The following NEB variants were observed in gnomAD, a reference collection of about 807,000 sequenced individuals.
NEB encodes nemaline myopathy type 2.
Under a neutral mutation model 952.2 loss-of-function variants are expected in NEB, and 512 were observed. The ratio of observed to expected loss-of-function variants is 0.54; its 90% CI spans 0.50 to 0.58. NEB has a LOEUF of 0.58. NEB is among the 20% of genes least tolerant of loss of function. The pLI is 0.00. For missense variants in NEB, 8,428 were observed against 9,231.1 expected, an observed-to-expected ratio of 0.91 and a Z score of 3.56; for synonymous variants, 2,900 against 3,149.8, an observed-to-expected ratio of 0.92 and a Z score of 2.66.
chr2:151,601,468 A>G (rs564636113), intron 88 of NEB, among the ~76,000 whole-genome samples: 2 of 108,238 alleles, frequency 1.8e-5, no homozygotes, highest in African/African-American at 7.5e-5. Flanking sequence ...GTGTAACCCT[A>G]TCTACGTGGA....
rs1461529010 is a variant in NEB, at chr2:151,614,351, G to C, written c.11526C>G (p.Pro3842=). 1 of 1,613,888 alleles carries C rather than the reference G, an allele frequency of 6.2e-7. No individual in the cohort carries two copies. Among genetic ancestry groups the C allele is most frequent in the South Asian group, 1.1e-5 (1 of 91,074 alleles). ...ILVSDIDYKH[P]LHEWTCLPDQ... ...CAGGCAGGCAGGTCCATTCATGCAG[G>C]GGATGCTTGTAGTCTATGTCGCTTA... The change falls in exon 77 of 182, where the codon CCC becomes CCG. Residue 3842 remains proline, a synonymous_variant. Coordinates refer to ENST00000397345, the MANE Select transcript of NEB (RefSeq NM_001164508.2).
chr2:151,502,136 G>GTA (rs1318824728), intron 167 of NEB, among the ~76,000 whole-genome samples: 2 of 152,134 alleles, frequency 1.3e-5, no homozygotes, highest in African/African-American at 4.8e-5. Context: ...ACCAAACATT[G>GTA]TATGTTCTCA....
At chr2:151,524,463 A>G (rs2084123638) in intron 152 of NEB, 48 bp from the exon 153 acceptor site, 1 of 1,609,968 alleles carries the variant, frequency 6.2e-7, no homozygotes, top group Admixed American at 1.7e-5. Flanking sequence ...GTTGCCTGGC[A>G]TGCCTTGGCA....
chr2:151,485,731 C>T lies in NEB; in HGVS notation c.*29G>A. Reference sequence around the variant, plus strand: ...ACATTGACTGCAGGATCTGTAAGTCCTGCAGACAAGTGTGATGCTTTGAAA... The same window carrying T: ...ACATTGACTGCAGGATCTGTAAGTCTTGCAGACAAGTGTGATGCTTTGAAA... On this transcript the variant is annotated 3_prime_UTR_variant, in exon 182 of 182. Coordinates refer to ENST00000397345, the MANE Select transcript of NEB (RefSeq NM_001164508.2). 5.1e-6 allele frequency: 8 copies of T among 1,579,780 alleles called. No individual in the cohort carries two copies. Among genetic ancestry groups the T allele is most frequent in the Non-Finnish European group, 6.9e-6 (8 of 1,158,380 alleles).
At chr2:151,671,438 G>A (rs965249886) in intron 37 of NEB, 22 of 469,574 alleles carry the variant, frequency 4.7e-5, no homozygotes, top group East Asian at 3.2e-5. Flanking sequence ...AGGGAATCTA[G>A]GTCACATATT....
intron 32 of NEB, 60 bp downstream of exon 32, chr2:151,679,661 A>AGCC: frequency 1.9e-4 from 95 of 492,276 alleles, no homozygotes; most frequent in Middle Eastern, 6.2e-4. Context: ...TCATCGTCAG[A>AGCC]CCCCAAGCCC....
In NEB at chr2:151,727,890, T is replaced by C. The variant is rs193227711; in HGVS notation, c.95A>G (p.Tyr32Cys). The C allele has an allele frequency of 1.9e-6, 3 of 1,613,214 alleles. No individual in the cohort carries two copies. The highest frequency in any genetic ancestry group is 1.3e-5 in the African/African-American group (1 of 74,996). The change falls in exon 5 of 182, where the codon TAT becomes TGT. Residue 32 changes from tyrosine to cysteine, a missense_variant. Physicochemically the swap from Tyr to Cys is radical, Grantham distance 194. Around this residue, in one of 11 missense-constraint regions of NEB, gnomAD observed 2,851 missense variants for 2,791.5 expected, o/e 1.02. Transcript: ENST00000397345. ...AGATGTCCTTGTTGTCGTAGTCTCA[T>C]AAATTTTTGTTATTGTCTGAAAATT... ...EVPGETITKI[Y>C]ETTTTRTSDY...
chr2:151,727,663 A>T (rs1245122626), intron 5 of NEB, 28 bp downstream of exon 5: 1 of 1,587,820 alleles, frequency 6.3e-7, no homozygotes, highest in African/African-American at 1.3e-5. Flanking sequence ...TAATCAAGCC[A>T]GGTTAGCAGA....
chr2:151,661,231 G>C (rs2099144993), intron 46 of NEB, among the ~76,000 whole-genome samples: 2 of 151,986 alleles, frequency 1.3e-5, no homozygotes, highest in Non-Finnish European at 1.5e-5. Flanking sequence ...CACTAACACT[G>C]AAAAAAATAG....
rs1284128051 is a variant in NEB at position 151,554,967 on chromosome 2, T to C, written c.19392A>G (p.Thr6464=). 6.2e-7 allele frequency: 1 copy of C among 1,613,882 alleles called. No individual in the cohort carries two copies. Among genetic ancestry groups the C allele is most frequent in the East Asian group, 2.2e-5 (1 of 44,878 alleles). Residue 6464 remains threonine, a synonymous_variant, in exon 125 of 182, where the codon ACA becomes ACG. Coordinates refer to ENST00000397345, the MANE Select transcript of NEB (RefSeq NM_001164508.2). ...GCTTGCCAACTCGGAGGCACCGTGC[T>C]GTGTTCGGATCATCGTCAACACTTC... ...LPRSVDDDPN[T]ARCLRVGKLN...
rs1325510923 is a variant in NEB, at chr2:151,670,544, A to T, written c.4506+479T>A. Among the ~76,000 whole-genome samples, 14 of 152,022 alleles carry T rather than the reference A, an allele frequency of 9.2e-5. No homozygotes were observed. The East Asian group carries it at 1.5e-3, about 17-fold the overall frequency. On this transcript the variant is annotated intron_variant, in intron 38 of 181. Coordinates refer to ENST00000397345, the MANE Select transcript of NEB (RefSeq NM_001164508.2). ...ACGTGGTCTCAGAATGAGATCCCAG[A>T]TGACTGCAAATAAACTGCTTATCTC...
chr2:151,671,270 A>G lies in NEB; in HGVS notation c.4300-41T>C, dbSNP rs571741519. On this transcript the variant is annotated intron_variant, in intron 37 of 181. Coordinates refer to ENST00000397345, the MANE Select transcript of NEB (RefSeq NM_001164508.2). Reference sequence around the variant, plus strand: ...CTAATATGAGAAGATACCCTGGAGAATATTCAAGGGATGTTTCTGGGATCT... The same window carrying G: ...CTAATATGAGAAGATACCCTGGAGAGTATTCAAGGGATGTTTCTGGGATCT... The G allele has an allele frequency of 3.3e-6, 5 of 1,511,428 alleles. No individual in the cohort carries two copies. In the East Asian group the frequency reaches 1.1e-4, roughly 35 times the overall value. The allele number at this position is 1,511,428 out of a possible 1,614,324, so 93.6% of individuals were successfully genotyped here.
chr2:151,544,324 A>G (rs1416019395), intron 135 of NEB, among the ~76,000 whole-genome samples: 3 of 152,194 alleles, frequency 2.0e-5, no homozygotes, highest in African/African-American at 4.8e-5. Flanking sequence ...TAAGTTACCA[A>G]TTGTTTTAAA....
At chr2:151,516,868 AC>A (rs1042415644) in intron 156 of NEB, among the ~76,000 whole-genome samples, 1 of 152,178 alleles carries the variant, frequency 6.6e-6, no homozygotes, top group Non-Finnish European at 1.5e-5. Context: ...GGGGAAAATT[AC>A]CCAGGTAGAT....
chr2:151,526,345 A>G (rs2288197), intron 148 of NEB, 83 bp from the exon 149 acceptor site: 14,004 of 932,436 alleles, frequency 0.015, 667 homozygotes, highest in East Asian at 0.14. Context: ...CCAGTAGAAC[A>G]GCAGCGTTGA....
At chr2:151,654,932 C>T (rs963264978) in intron 51 of NEB, among the ~76,000 whole-genome samples, 1 of 152,198 alleles carries the variant, frequency 6.6e-6, no homozygotes, top group African/African-American at 2.4e-5. Flanking sequence ...AGGGATCCTC[C>T]TGCCTCAGCT....
chr2:151,645,521 A>T (rs1232676531), intron 55 of NEB, among the ~76,000 whole-genome samples: 1 of 152,244 alleles, frequency 6.6e-6, no homozygotes, highest in Non-Finnish European at 1.5e-5. Flanking sequence ...ATTTAAATGT[A>T]CTTTTATCCA....
At chr2:151,534,106 CA>C in intron 142 of NEB, 1 of 815,562 alleles carries the variant, frequency 1.2e-6, no homozygotes, top group Non-Finnish European at 2.0e-6. Flanking sequence ...CAGAACAACC[CA>C]ATATCATAGG....
intron 64 of NEB, among the ~76,000 whole-genome samples, chr2:151,635,154 T>C (rs776777497): frequency 1.3e-5 from 2 of 152,210 alleles, no homozygotes; most frequent in Non-Finnish European, 2.9e-5. Context: ...TTATGAAGAG[T>C]AAGTGAGACA....
Sources: gnomAD v4.1 joint callset for allele counts (sites outside exome capture counted in the v4.1 genomes callset) on GRCh38, gnomAD v4.1.1 for gene constraint, gnomAD v4.1.1 regional missense constraint, MANE v1.5 for transcripts, NCBI Gene and HGNC (gene_info 2026-07-23, HGNC 2026-07-21) for gene names.